Variants in ITPRIP observed in about 807,000 individuals in gnomAD.
ITPRIP encodes the protein inositol 1,4,5-trisphosphate receptor interacting protein.
ITPRIP carries 32 observed loss-of-function variants against 35.8 expected under a neutral mutation model. The observed-to-expected ratio is 0.89, with a 90% CI of 0.68 to 1.20. ITPRIP has a LOEUF of 1.20. ITPRIP is among the 50% of genes most tolerant of loss of function. The pLI is 0.00. For synonymous variants in ITPRIP, 358 were observed against 324.0 expected, an observed-to-expected ratio of 1.11 and a Z score of -1.13; for missense variants, 653 against 735.6, an observed-to-expected ratio of 0.89 and a Z score of 1.30.
At chr10:104,317,487 C>T (rs1022176597) in intron 1 of ITPRIP, among the ~76,000 whole-genome samples, 3 of 152,200 alleles carry the variant, frequency 2.0e-5, no homozygotes, top group South Asian at 2.1e-4. Flanking sequence ...CACTGTCTTA[C>T]GCTGCAAGAC....
chr10:104,328,937 C>T lies in ITPRIP; in HGVS notation c.-14+9309G>A, dbSNP rs961039750. The T allele has an allele frequency of 1.3e-5, 2 of 152,154 alleles. No individual in the cohort carries two copies. The highest frequency in any genetic ancestry group is 4.8e-5 in the African/African-American group (2 of 41,386). 9.4% of individuals were successfully genotyped at this position (152,154 alleles called of 1,614,324 possible). ...TCCCAGACTGTTCTTCTACCCGAGTCCCCCTGCGGCTTAGGCGGTACCTGA... is the reference window on the plus strand; with the variant it reads ...TCCCAGACTGTTCTTCTACCCGAGTTCCCCTGCGGCTTAGGCGGTACCTGA... On this transcript the variant is annotated intron_variant, in intron 1 of 1. Transcript: ENST00000337478. This position sits in a 1 kb window ranked among gnomAD's most constrained non-coding sequence, Gnocchi z 4.1.
At chr10:104,319,639 G>C (rs2013794207) in intron 1 of ITPRIP, among the ~76,000 whole-genome samples, 1 of 152,104 alleles carries the variant, frequency 6.6e-6, no homozygotes. Flanking sequence ...CACCCTATGG[G>C]ATAGGACAGG....
At chr10:104,317,780 T>C (rs1321698298) in intron 1 of ITPRIP, among the ~76,000 whole-genome samples, 1 of 152,250 alleles carries the variant, frequency 6.6e-6, no homozygotes, top group Admixed American at 6.5e-5. Flanking sequence ...CTTGTCCTAA[T>C]GGTGCCAAGG....
At position 104,312,567 on chromosome 10, in the gene ITPRIP, T is replaced by C; in HGVS notation, c.*1841A>G. ...TTAGGGACACACTTGAGCTGGTTCA[T>C]TCCCTGGAGTGCCCCGCAACTGCGT... On this transcript the variant is annotated 3_prime_UTR_variant, in exon 2 of 2. Coordinates refer to ENST00000337478, the MANE Select transcript of ITPRIP (RefSeq NM_001272013.2). The C allele has an allele frequency of 1.0e-6, 1 of 966,406 alleles. No homozygotes were observed. The highest frequency in any genetic ancestry group is 1.2e-6 in the Non-Finnish European group (1 of 812,416). 59.9% of individuals were successfully genotyped at this position (966,406 alleles called of 1,614,324 possible).
rs185822818 is a variant in ITPRIP, at chr10:104,334,875, C to T, written c.-14+3371G>A. On this transcript the variant is annotated intron_variant, in intron 1 of 1. Coordinates refer to ENST00000337478, the MANE Select transcript of ITPRIP (RefSeq NM_001272013.2). ...GCTTGTCTAGGACGCAGGGAAGAGA[C>T]GACATTCAGTCTGTGTGATGTTTGC... 1.6e-3 allele frequency among the ~76,000 whole-genome samples: 247 copies of T among 152,312 alleles called. 1 individual carries two copies. Among genetic ancestry groups the T allele is most frequent in the Admixed American group, 6.0e-3 (92 of 15,310 alleles).
rs186998263 is a variant in ITPRIP at position 104,312,809 on chromosome 10, G to A, written c.*1599C>T. 246 of 985,310 alleles carry A rather than the reference G, an allele frequency of 2.5e-4. No individual in the cohort carries two copies. In the African/African-American group the frequency reaches 4.1e-3, roughly 16 times the overall value. The allele number at this position is 985,310 out of a possible 1,614,324, so 61.0% of individuals were successfully genotyped here. On this transcript the variant is annotated 3_prime_UTR_variant, in exon 2 of 2. Transcript: ENST00000337478. ...CTTCCTTCAGTTTGTGGGGTAACTG[G>A]GCACCCCTGTCAAGTTGGTTATGCT...
At chr10:104,322,687 T>C (rs1171426899) in intron 1 of ITPRIP, among the ~76,000 whole-genome samples, 1 of 152,228 alleles carries the variant, frequency 6.6e-6, no homozygotes, top group African/African-American at 2.4e-5. Context: ...GCCTGACAGA[T>C]GCAATTAGCT....
intron 1 of ITPRIP, among the ~76,000 whole-genome samples, chr10:104,322,420 CTTA>C (rs2013874774): frequency 6.6e-6 from 1 of 152,230 alleles, no homozygotes; most frequent in African/African-American, 2.4e-5. Flanking sequence ...TCTCAACGTG[CTTA>C]GCAGCAACAG....
chr10:104,318,715 A>C (rs2013757546), intron 1 of ITPRIP, among the ~76,000 whole-genome samples: 1 of 152,232 alleles, frequency 6.6e-6, no homozygotes, highest in Non-Finnish European at 1.5e-5. Flanking sequence ...TCGAGAGGAG[A>C]CAAGACTGGG....
Position 104,311,147 on chromosome 10 carries a change from C to T in ITPRIP, c.*3261G>A, listed in dbSNP as rs1212327460. Reference sequence around the variant, plus strand: ...AGAAGGGCTCACCATCTTATGCCTTCCCACCCTCTCTCTGAGGCTTACGGC... The same window carrying T: ...AGAAGGGCTCACCATCTTATGCCTTTCCACCCTCTCTCTGAGGCTTACGGC... On this transcript the variant is annotated 3_prime_UTR_variant, in exon 2 of 2. Coordinates refer to ENST00000337478, the MANE Select transcript of ITPRIP (RefSeq NM_001272013.2). 1.3e-5 allele frequency: 2 copies of T among 152,216 alleles called. No individual in the cohort carries two copies. The highest frequency in any genetic ancestry group is 2.9e-5 in the Non-Finnish European group (2 of 68,058). 9.4% of individuals were successfully genotyped at this position (152,216 alleles called of 1,614,324 possible).
chr10:104,315,012 T>C lies in ITPRIP; in HGVS notation c.1040A>G (p.Asn347Ser), dbSNP rs1378266645. 6.2e-7 allele frequency: 1 copy of C among 1,614,002 alleles called. No individual in the cohort carries two copies. Among genetic ancestry groups the C allele is most frequent in the African/African-American group, 1.3e-5 (1 of 74,936 alleles). ...ATCACACTGGATCACAGGAATCAGGTTGAAGGGCATGAACTTCCCTGAACG... is the reference window on the plus strand; with the variant it reads ...ATCACACTGGATCACAGGAATCAGGCTGAAGGGCATGAACTTCCCTGAACG... ...KFRSGKFMPF[N>S]LIPVIQCDDS... The change falls in exon 2 of 2, where the codon AAC (asparagine) becomes AGC (serine). Residue 347 changes from asparagine to serine, a missense_variant. Transcript: ENST00000337478. The surrounding 1 kb of genome is among the most constrained non-coding windows in gnomAD (Gnocchi z 5.7).
intron 1 of ITPRIP, among the ~76,000 whole-genome samples, chr10:104,337,790 G>C (rs1164212530): frequency 6.6e-6 from 1 of 152,166 alleles, no homozygotes; most frequent in Non-Finnish European, 1.5e-5. Context: ...CTCCCTTACA[G>C]GAAGGGAGGG....
In ITPRIP at chr10:104,315,622, G is replaced by A; in HGVS notation, c.430C>T (p.His144Tyr). Residue 144 changes from histidine (H) to tyrosine (Y), a missense_variant, in exon 2 of 2, where the codon CAC (histidine) becomes TAC (tyrosine). Coordinates refer to ENST00000337478, the MANE Select transcript of ITPRIP (RefSeq NM_001272013.2). This position sits in a 1 kb window ranked among gnomAD's most constrained non-coding sequence, Gnocchi z 5.7. Reference protein sequence around the residue: ...LTLPNKATLGHFYERCIRGAT... With the variant: ...LTLPNKATLGYFYERCIRGAT... ...CCCCGGATGCAGCGCTCATAAAAGTGGCCAAGCGTGGCCTTGTTGGGCAGG... is the reference window on the plus strand; with the variant it reads ...CCCCGGATGCAGCGCTCATAAAAGTAGCCAAGCGTGGCCTTGTTGGGCAGG... The A allele has an allele frequency of 6.2e-7, 1 of 1,612,736 alleles. No individual in the cohort carries two copies. Among genetic ancestry groups the A allele is most frequent in the Non-Finnish European group, 8.5e-7 (1 of 1,179,868 alleles).
In ITPRIP at chr10:104,312,052, T is replaced by C. The variant is rs1015914488; in HGVS notation, c.*2356A>G. ...GGAGTGAAAGCTTCTGCTTTGTCAA[T>C]AGGAAATCCACCCCCCTGTCCCCAA... On this transcript the variant is annotated 3_prime_UTR_variant, in exon 2 of 2. Coordinates refer to ENST00000337478, the MANE Select transcript of ITPRIP (RefSeq NM_001272013.2). 5.3e-5 allele frequency: 8 copies of C among 152,210 alleles called. No homozygotes were observed. Among genetic ancestry groups the C allele is most frequent in the African/African-American group, 1.9e-4 (8 of 41,450 alleles). 9.4% of individuals were successfully genotyped at this position (152,210 alleles called of 1,614,324 possible). A position where few individuals can be genotyped will look rare whatever the true frequency, so the allele number is the denominator to read the frequency against.
At position 104,313,319 on chromosome 10, in the gene ITPRIP, C is replaced by T; in HGVS notation, c.*1089G>A. Reference sequence around the variant, plus strand: ...CACCACCCCGGGTAGCATTTTTGAGCACCTCATCGAAGGAGTCTACTGTCT... The same window carrying T: ...CACCACCCCGGGTAGCATTTTTGAGTACCTCATCGAAGGAGTCTACTGTCT... On this transcript the variant is annotated 3_prime_UTR_variant, in exon 2 of 2. Transcript: ENST00000337478. The T allele has an allele frequency of 5.1e-6, 5 of 986,220 alleles. No individual in the cohort carries two copies. The highest frequency in any genetic ancestry group is 6.0e-6 in the Non-Finnish European group (5 of 830,466). 61.1% of individuals were successfully genotyped at this position (986,220 alleles called of 1,614,324 possible).
At position 104,312,536 on chromosome 10, in the gene ITPRIP, C is replaced by A. The variant is rs2013514045; in HGVS notation, c.*1872G>T. Reference sequence around the variant, plus strand: ...GTGAGGGATTGGGGGTAGCTCCAGGCTGCTGTTAGGGACACACTTGAGCTG... The same window carrying A: ...GTGAGGGATTGGGGGTAGCTCCAGGATGCTGTTAGGGACACACTTGAGCTG... On this transcript the variant is annotated 3_prime_UTR_variant, in exon 2 of 2. Coordinates refer to ENST00000337478, the MANE Select transcript of ITPRIP (RefSeq NM_001272013.2). 2.7e-6 allele frequency: 2 copies of A among 753,848 alleles called. No individual in the cohort carries two copies. Among genetic ancestry groups the A allele is most frequent in the Non-Finnish European group, 1.6e-6 (1 of 618,376 alleles). The allele number at this position is 753,848 out of a possible 1,614,324, so 46.7% of individuals were successfully genotyped here.
At position 104,315,853 on chromosome 10, in the gene ITPRIP, C is replaced by T. The variant is rs2013662027; in HGVS notation, c.199G>A (p.Glu67Lys). 6.2e-7 allele frequency: 1 copy of T among 1,613,112 alleles called. No individual in the cohort carries two copies. The highest frequency in any genetic ancestry group is 1.3e-5 in the African/African-American group (1 of 74,916). Residue 67 changes from glutamate (E) to lysine (K), a missense_variant, in exon 2 of 2, where the codon GAG (glutamate) becomes AAG (lysine). Transcript: ENST00000337478. This position sits in a 1 kb window ranked among gnomAD's most constrained non-coding sequence, Gnocchi z 5.7. ...TCCTCCGCCACCTGCTCCAGTGCCTCCTTTTCGGCCGCCAGCCGAGCCACC... is the reference window on the plus strand; with the variant it reads ...TCCTCCGCCACCTGCTCCAGTGCCTTCTTTTCGGCCGCCAGCCGAGCCACC... ...EEVARLAAEK[E>K]ALEQVAEEGR...
At chr10:104,337,756 GA>G (rs111964351) in intron 1 of ITPRIP, among the ~76,000 whole-genome samples, 29 of 151,136 alleles carry the variant, frequency 1.9e-4, no homozygotes, top group Non-Finnish European at 3.5e-4. Context: ...CATGAACCGA[GA>G]AAAAAAAACT....
rs1028314427 is a variant in ITPRIP, at chr10:104,311,285, T to G, written c.*3123A>C. 1 of 152,216 alleles carries G rather than the reference T, an allele frequency of 6.6e-6. No homozygotes were observed. The highest frequency in any genetic ancestry group is 2.4e-5 in the African/African-American group (1 of 41,448). The allele number at this position is 152,216 out of a possible 1,614,324, so 9.4% of individuals were successfully genotyped here. A position where few individuals can be genotyped will look rare whatever the true frequency, so the allele number is the denominator to read the frequency against. On this transcript the variant is annotated 3_prime_UTR_variant, in exon 2 of 2. Transcript: ENST00000337478. ...TTTCCCAGGTCTATCTATCTTCCAA[T>G]AGATCTGTAGGGAAAGTAGTCCACT...
Sources: allele counts gnomAD v4.1 joint callset (sites outside exome capture counted in the v4.1 genomes callset), GRCh38; gene constraint gnomAD v4.1.1; non-coding constraint Gnocchi (gnomAD v3.1); transcripts MANE v1.5; gene names NCBI Gene and HGNC (gene_info 2026-07-23, HGNC 2026-07-21).